Variants in PDE3A observed in about 807,000 individuals in gnomAD.
PDE3A encodes the protein phosphodiesterase 3A, also known as cGMP-inhibited 3',5'-cyclic phosphodiesterase 3A.
In PDE3A, 43 loss-of-function variants were observed where a neutral mutation model predicts 98.3. The ratio of observed to expected loss-of-function variants is 0.44; its 90% confidence interval spans 0.34 to 0.56. The LOEUF is 0.56. PDE3A is among the 20% of genes least tolerant of loss of function. PDE3A has a pLI of 0.01. For synonymous variants in PDE3A, 663 were observed against 567.9 expected (o/e 1.17, Z -2.38); for missense variants, 1,427 against 1,440.7 (o/e 0.99, Z 0.15).
chr12:20,370,385 G>A, intron 1 of PDE3A, 141 bp downstream of exon 1: 2 of 530,906 alleles, frequency 3.8e-6, no homozygotes, highest in Non-Finnish European at 5.8e-6. Flanking sequence ...TAAGAAACTA[G>A]CAGGTTTTTT....
rs534616853 is a variant in PDE3A, at chr12:20,473,180, A to G, written c.961-83480A>G. 1.2e-4 allele frequency among the ~76,000 whole-genome samples: 19 copies of G among 152,284 alleles called. No individual in the cohort carries two copies. In the South Asian group the frequency reaches 3.9e-3, roughly 32 times the overall value. Reference sequence around the variant, plus strand: ...TTATGCACATGAAAGAGTATATATAATATTGGTACAGTTTAAAGAATAGCA... The same window carrying G: ...TTATGCACATGAAAGAGTATATATAGTATTGGTACAGTTTAAAGAATAGCA... On this transcript the variant is annotated intron_variant, in intron 1 of 15. Transcript: ENST00000359062.
chr12:20,638,680 C>CCTGT (rs1408999396), intron 9 of PDE3A, among the ~76,000 whole-genome samples: 1 of 152,108 alleles, frequency 6.6e-6, no homozygotes, highest in African/African-American at 2.4e-5. Context: ...TGCAAATAAG[C>CCTGT]CTGTAACGGT....
At chr12:20,580,964 C>A (rs1035511521) in intron 2 of PDE3A, among the ~76,000 whole-genome samples, 1 of 152,110 alleles carries the variant, frequency 6.6e-6, no homozygotes, top group African/African-American at 2.4e-5. Flanking sequence ...ATGACATGTC[C>A]TCCGCCTGCT....
Position 20,369,229 on chromosome 12 carries a change from C to A in PDE3A, c.-56C>A. 1.6e-6 allele frequency: 2 copies of A among 1,276,244 alleles called. No individual in the cohort carries two copies. Among genetic ancestry groups the A allele is most frequent in the South Asian group, 3.0e-5 (2 of 66,320 alleles). 79.1% of individuals were successfully genotyped at this position (1,276,244 alleles called of 1,614,324 possible). A position where few individuals can be genotyped will look rare whatever the true frequency, so the allele number is the denominator to read the frequency against. ...TGTGTGTGCGCGCGCGCGCGTGGGT[C>A]GGGGCGGGGGCGTCGGGGGGCCACT... On this transcript the variant is annotated 5_prime_UTR_variant, in exon 1 of 16. Transcript: ENST00000359062.
At chr12:20,601,230 TTTTG>T (rs72133519) in intron 2 of PDE3A, among the ~76,000 whole-genome samples, 41,394 of 151,350 alleles carry the variant, frequency 0.27, 6,223 homozygotes, top group East Asian at 0.42. Flanking sequence ...CTCCAAGGCT[TTTTG>T]TTTGTTTGTT....
At chr12:20,470,086 T>C (rs74483244) in intron 1 of PDE3A, among the ~76,000 whole-genome samples, 2 of 152,228 alleles carry the variant, frequency 1.3e-5, no homozygotes, top group Non-Finnish European at 2.9e-5. Flanking sequence ...TGTTTTTTTT[T>C]CCTATCCCTG....
At chr12:20,519,289 G>A (rs1021108542) in intron 1 of PDE3A, among the ~76,000 whole-genome samples, 3 of 152,122 alleles carry the variant, frequency 2.0e-5, no homozygotes, top group African/African-American at 7.2e-5. Flanking sequence ...TATGACTGGT[G>A]CCCCCTGGAG....
chr12:20,406,787 G>A (rs894229340), intron 1 of PDE3A, among the ~76,000 whole-genome samples: 2 of 151,906 alleles, frequency 1.3e-5, no homozygotes, highest in Admixed American at 1.3e-4. Flanking sequence ...TTGCCAATAC[G>A]AACGTCTTTT....
chr12:20,669,063 AG>A (rs1267316445), intron 15 of PDE3A, among the ~76,000 whole-genome samples: 3 of 151,592 alleles, frequency 2.0e-5, no homozygotes, highest in Non-Finnish European at 2.9e-5. Flanking sequence ...CAGAAGCCTC[AG>A]GAGCCGATGT....
chr12:20,631,550 G>A (rs1024959500), intron 6 of PDE3A, among the ~76,000 whole-genome samples: 3 of 152,134 alleles, frequency 2.0e-5, no homozygotes, highest in East Asian at 1.9e-4. Flanking sequence ...GCCCAGTGGA[G>A]TAATCTTCAT....
chr12:20,491,427 TG>T (rs1945824176), intron 1 of PDE3A, among the ~76,000 whole-genome samples: 1 of 152,176 alleles, frequency 6.6e-6, no homozygotes, highest in Non-Finnish European at 1.5e-5. Flanking sequence ...TTCAATGGGT[TG>T]TTGTCATGGT....
At chr12:20,660,420 G>A (rs1240019628) in intron 15 of PDE3A, among the ~76,000 whole-genome samples, 1 of 152,186 alleles carries the variant, frequency 6.6e-6, no homozygotes, top group Non-Finnish European at 1.5e-5. Flanking sequence ...CACAGTAACA[G>A]GCAGAGATTG....
intron 2 of PDE3A, among the ~76,000 whole-genome samples, chr12:20,597,064 C>A (rs185102972): frequency 1.3e-5 from 2 of 152,152 alleles, no homozygotes; most frequent in East Asian, 3.9e-4. Flanking sequence ...AATTACATAA[C>A]CTTTTGTGTG....
intron 1 of PDE3A, among the ~76,000 whole-genome samples, chr12:20,403,336 T>A (rs1202335008): frequency 6.6e-6 from 1 of 152,192 alleles, no homozygotes; most frequent in Non-Finnish European, 1.5e-5. Context: ...TCCGGTGTGG[T>A]GTGGTTAGCA....
chr12:20,652,037 C>A (rs536510095), intron 14 of PDE3A, among the ~76,000 whole-genome samples: 2 of 151,624 alleles, frequency 1.3e-5, no homozygotes, highest in African/African-American at 4.8e-5. Context: ...TTTGTCCTTG[C>A]GATAGTTTGC....
At position 20,551,889 on chromosome 12, in the gene PDE3A, C is replaced by G. The variant is rs1034971065; in HGVS notation, c.961-4771C>G. 38 of 1,613,474 alleles carry G rather than the reference C, an allele frequency of 2.4e-5. No individual in the cohort carries two copies. In the African/African-American group the frequency reaches 5.1e-4, roughly 22 times the overall value. On this transcript the variant is annotated intron_variant, in intron 1 of 15. Transcript: ENST00000359062. Reference sequence around the variant, plus strand: ...TCATCCCGTCCAACCACTACGGACCCATCCCGGGGATCCCCGTGGGCACCA... The same window carrying G: ...TCATCCCGTCCAACCACTACGGACCGATCCCGGGGATCCCCGTGGGCACCA...
At chr12:20,415,968 T>A (rs1192607450) in intron 1 of PDE3A, among the ~76,000 whole-genome samples, 1 of 152,192 alleles carries the variant, frequency 6.6e-6, no homozygotes, top group Non-Finnish European at 1.5e-5. Flanking sequence ...TTTCCTCATG[T>A]GTAAAATGAG....
At chr12:20,619,579 C>T (rs375654613) in intron 4 of PDE3A, among the ~76,000 whole-genome samples, 21 of 152,138 alleles carry the variant, frequency 1.4e-4, no homozygotes, top group African/African-American at 4.3e-4. Context: ...ACCAGCATCA[C>T]GAGAAAATAG....
chr12:20,563,726 A>G (rs925978239), intron 2 of PDE3A, among the ~76,000 whole-genome samples: 1 of 152,168 alleles, frequency 6.6e-6, no homozygotes, highest in African/African-American at 2.4e-5. Flanking sequence ...CGGGGACCAC[A>G]CAAAATATAT....
Sources: gnomAD v4.1 joint callset for allele counts (sites outside exome capture counted in the v4.1 genomes callset) on GRCh38, gnomAD v4.1.1 for gene constraint, MANE v1.5 for transcripts, NCBI Gene and HGNC (gene_info 2026-07-23, HGNC 2026-07-21) for gene names.